The following NOTCH3 variants were observed in gnomAD, a reference collection of about 807,000 sequenced individuals.
NOTCH3 encodes neurogenic locus notch homolog protein 3.
A neutral mutation model predicts 213.3 loss-of-function variants in NOTCH3; 86 were observed. The observed-to-expected ratio is 0.40, with a 90% confidence interval of 0.34 to 0.48. The LOEUF is 0.48. Ranked by LOEUF, NOTCH3 falls within the 20% of genes least tolerant of loss-of-function variation. NOTCH3 has a pLI of 0.57. For missense variants in NOTCH3, 2,783 were observed against 3,272.6 expected, an observed-to-expected ratio of 0.85 and a Z score of 3.65; for synonymous variants, 1,354 against 1,355.9, an observed-to-expected ratio of 1.00 and a Z score of 0.03.
At position 15,180,847 on chromosome 19, in the gene NOTCH3, G is replaced by A. The variant is rs773122029; in HGVS notation, c.2995-19C>T. 1.2e-6 allele frequency: 2 copies of A among 1,612,264 alleles called. No individual in the cohort carries two copies. Among genetic ancestry groups the A allele is most frequent in the South Asian group, 1.1e-5 (1 of 90,614 alleles). ...CCAGCGTCTGGAGGGGAAGCACTCA[G>A]AGTCAGTACTGTGGGGTGGGGGGTA... is the stretch of plus-strand genomic sequence containing the variant. On this transcript the variant is annotated intron_variant, in intron 18 of 32. Coordinates refer to ENST00000263388, the MANE Select transcript of NOTCH3 (RefSeq NM_000435.3).
chr19:15,170,686 G>C lies in NOTCH3; in HGVS notation c.4876C>G (p.Leu1626Val), dbSNP rs1178494806. ...AVERLDFPYPLRDVRGEPLEP... is the reference protein window; with the variant it reads ...AVERLDFPYPVRDVRGEPLEP... ...AGGGCCGCACCCCGCACGTCCCGCA[G>C]TGGGTACGGGAAGTCCAGGCGCTCC... The change falls in exon 26 of 33, where the codon CTG becomes GTG. Residue 1626 changes from leucine (L) to valine (V), a missense_variant. Transcript: ENST00000263388. 1.3e-6 allele frequency: 2 copies of C among 1,527,898 alleles called. No individual in the cohort carries two copies. Among genetic ancestry groups the C allele is most frequent in the South Asian group, 2.3e-5 (2 of 86,108 alleles). 94.6% of individuals were successfully genotyped at this position (1,527,898 alleles called of 1,614,324 possible).
rs554059112 is a variant in NOTCH3, at chr19:15,165,382, G to T, written c.5801C>A (p.Ala1934Asp). Reference protein sequence around the residue: ...ELIASHADVNAVDELGKSALH... With the variant: ...ELIASHADVNDVDELGKSALH... The stretch of plus-strand genomic sequence containing the variant: ...TGCCAACCTACCAAGCTCATCCACA[G>T]CATTGACATCAGCATGGCTGGCGAT... The change falls in exon 31 of 33, where the codon GCT (alanine) becomes GAT (aspartate). Residue 1934 changes from alanine (A) to aspartate (D), a missense_variant. Coordinates refer to ENST00000263388, the MANE Select transcript of NOTCH3 (RefSeq NM_000435.3). This position sits in a 1 kb window ranked among gnomAD's most constrained non-coding sequence, Gnocchi z 4.7. 1 of 1,607,446 alleles carries T rather than the reference G, an allele frequency of 6.2e-7. No individual in the cohort carries two copies.
Position 15,181,553 on chromosome 19 carries a change from C to G in NOTCH3, c.2792+23G>C, listed in dbSNP as rs546897451. Reference sequence around the variant, plus strand: ...CCCATCCCAAGCCAGAGTCCCTGCTCTCCAAGCAGAGGCCCCGCCCACCTG... The same window carrying G: ...CCCATCCCAAGCCAGAGTCCCTGCTGTCCAAGCAGAGGCCCCGCCCACCTG... On this transcript the variant is annotated intron_variant, in intron 17 of 32. Transcript: ENST00000263388. The G allele has an allele frequency of 1.9e-6, 3 of 1,541,918 alleles. No homozygotes were observed. In the East Asian group the frequency reaches 7.3e-5, roughly 38 times the overall value.
chr19:15,192,009 GC>G lies in NOTCH3; in HGVS notation c.629del (p.Gly210AlafsTer26). ...TGAGGTCGCCACTCTGCCTGCAGGT[GC>G]CCCCGTTACGGCATGGTGAGGGTGC... ...PCAPSPCRNG[G>X]TCRQSGDLTY... On this transcript the variant is annotated frameshift_variant, in exon 4 of 33. Coordinates refer to ENST00000263388, the MANE Select transcript of NOTCH3 (RefSeq NM_000435.3). LOFTEE classifies it high-confidence loss of function. 6.2e-7 allele frequency: 1 copy of G among 1,613,194 alleles called. No homozygotes were observed. The highest frequency in any genetic ancestry group is 8.5e-7 in the Non-Finnish European group (1 of 1,179,958).
In NOTCH3 at chr19:15,188,946, G is replaced by A. The variant is rs374612109; in HGVS notation, c.1378+43C>T. 26 of 1,573,828 alleles carry A rather than the reference G, an allele frequency of 1.7e-5. No homozygotes were observed. The African/African-American group carries it at 1.9e-4, about 11-fold the overall frequency. On this transcript the variant is annotated intron_variant, in intron 8 of 32. Transcript: ENST00000263388. Reference sequence around the variant, plus strand: ...CCCATCCGCGGGCTTCTCTGTCCCCGCCCCCTGCCTCAGGACCCGCCCAGG... The same window carrying A: ...CCCATCCGCGGGCTTCTCTGTCCCCACCCCCTGCCTCAGGACCCGCCCAGG...
rs1391247131 is a variant in NOTCH3, at chr19:15,189,295, C to T, written c.1170G>A (p.Gln390=). Residue 390 remains glutamine, a synonymous_variant, in exon 7 of 33, where the codon CAG becomes CAA. Transcript: ENST00000263388. ...PPGFTGGACD[Q]DVDECSIGAN... ...CACCGATAGAGCACTCGTCCACATC[C>T]TGGTCACATGCCCCACCCGTGAAGC... The T allele has an allele frequency of 1.2e-6, 2 of 1,614,140 alleles. No individual in the cohort carries two copies. Among genetic ancestry groups the T allele is most frequent in the South Asian group, 1.1e-5 (1 of 91,090 alleles).
At position 15,187,325 on chromosome 19, in the gene NOTCH3, C is replaced by A. The variant is rs75617410; in HGVS notation, c.1620G>T (p.Thr540=). The change falls in exon 11 of 33, where the codon ACG becomes ACT. Residue 540 remains threonine, a synonymous_variant. Transcript: ENST00000263388. ...ECRCAEGFEG[T]LCDRNVDDCS... is the part of the protein sequence containing the mutation. ...AGTCGTCCACGTTGCGATCACACAGCGTGCCCTCAAAGCCTGTGGGGCCAA... is the reference window on the plus strand; with the variant it reads ...AGTCGTCCACGTTGCGATCACACAGAGTGCCCTCAAAGCCTGTGGGGCCAA... 1.0e-3 allele frequency: 1,625 copies of A among 1,613,490 alleles called. 27 individuals are homozygous for A. The East Asian group carries it at 0.03, about 30-fold the overall frequency.
At chr19:15,195,906 G>T (rs1411887869) in intron 2 of NOTCH3, among the ~76,000 whole-genome samples, 1 of 151,536 alleles carries the variant, frequency 6.6e-6, no homozygotes, top group Non-Finnish European at 1.5e-5. Context: ...AAGCTTTGGG[G>T]GAGACGGAGG....
chr19:15,184,574 T>C (rs2046866152), intron 15 of NOTCH3, 124 bp from the exon 16 acceptor site: 1 of 928,036 alleles, frequency 1.1e-6, no homozygotes, highest in Admixed American at 2.2e-5. Flanking sequence ...GTGCTGTCAT[T>C]CGTGTCTGGG....
In NOTCH3 at chr19:15,174,292, C is replaced by G; in HGVS notation, c.4512G>C (p.Val1504=). The G allele has an allele frequency of 6.4e-7, 1 of 1,558,386 alleles. No homozygotes were observed. The highest frequency in any genetic ancestry group is 8.7e-7 in the Non-Finnish European group (1 of 1,153,276). ...GCACGCCGCGGGCCAGCAGGGCCGGCACCTCGCTGGCACAATCCAGCCCAT... is the reference window on the plus strand; with the variant it reads ...GCACGCCGCGGGCCAGCAGGGCCGGGACCTCGCTGGCACAATCCAGCCCAT... The part of the protein sequence containing the change: ...GWDGLDCASE[V]PALLARGVLV... The change falls in exon 25 of 33, where the codon GTG becomes GTC. Residue 1504 remains valine (V), a synonymous_variant. Coordinates refer to ENST00000263388, the MANE Select transcript of NOTCH3 (RefSeq NM_000435.3).
intron 28 of NOTCH3, among the ~76,000 whole-genome samples, chr19:15,169,181 A>AGT (rs2046709065): frequency 7.5e-6 from 1 of 133,264 alleles, no homozygotes; most frequent in African/African-American, 2.9e-5. Flanking sequence ...TGGGATGTCA[A>AGT]ATCTGTCTCT....
intron 16 of NOTCH3, among the ~76,000 whole-genome samples, chr19:15,182,420 T>A (rs2046848421): frequency 6.6e-6 from 1 of 151,346 alleles, no homozygotes. Flanking sequence ...GACGGGAGGA[T>A]CACTTGAGCC....
In NOTCH3 at chr19:15,185,868, G is replaced by T. The variant is rs1452264135; in HGVS notation, c.1952-189C>A. 2.0e-5 allele frequency among the ~76,000 whole-genome samples: 3 copies of T among 152,070 alleles called. No individual in the cohort carries two copies. Among genetic ancestry groups the T allele is most frequent in the Admixed American group, 6.5e-5 (1 of 15,268 alleles). ...AGCTGACTTGCCCCAGATCATTCTG[G>T]TCCCCAAACTTCCATGAAGTCCCTT... On this transcript the variant is annotated intron_variant, in intron 12 of 32. Coordinates refer to ENST00000263388, the MANE Select transcript of NOTCH3 (RefSeq NM_000435.3). This position sits in a 1 kb window ranked among gnomAD's most constrained non-coding sequence, Gnocchi z 4.2.
chr19:15,161,520 G>T lies in NOTCH3; in HGVS notation c.6108C>A (p.Pro2036=), dbSNP rs2046643044. Residue 2036 remains proline (P), a synonymous_variant, in exon 33 of 33, where the codon CCC becomes CCA. Coordinates refer to ENST00000263388, the MANE Select transcript of NOTCH3 (RefSeq NM_000435.3). ...GACAGAGCAGAGGCCCCAGGCCGTG[G>T]GGACCGGGGGGGCTGCGGGGCCCAC... ...QPSGPRSPPG[P]HGLGPLLCPP... 2 of 1,598,026 alleles carry T rather than the reference G, an allele frequency of 1.3e-6. No individual in the cohort carries two copies. Among genetic ancestry groups the T allele is most frequent in the Non-Finnish European group, 1.7e-6 (2 of 1,172,574 alleles).
At chr19:15,194,874 T>C (rs1476960090) in intron 2 of NOTCH3, among the ~76,000 whole-genome samples, 2 of 150,226 alleles carry the variant, frequency 1.3e-5, no homozygotes, top group Non-Finnish European at 3.0e-5. Flanking sequence ...GGAAAATCGC[T>C]TGAACCCAGG....
At position 15,160,949 on chromosome 19, in the gene NOTCH3, G is replaced by A. The variant is rs779441679; in HGVS notation, c.6679C>T (p.His2227Tyr). ...HGEEYPAAGAHSSPPKARFLR... is the reference protein window; with the variant it reads ...HGEEYPAAGAYSSPPKARFLR... ...AAGCGGGCCTTTGGGGGGCTGCTGT[G>A]TGCCCCAGCCGCCGGGTACTCCTCG... Residue 2227 changes from histidine (H) to tyrosine (Y), a missense_variant, in exon 33 of 33, where the codon CAC (histidine) becomes TAC (tyrosine). Coordinates refer to ENST00000263388, the MANE Select transcript of NOTCH3 (RefSeq NM_000435.3). The A allele has an allele frequency of 3.1e-6, 5 of 1,592,636 alleles. No individual in the cohort carries two copies. The Middle Eastern group carries it at 5.0e-4, about 159-fold the overall frequency.
chr19:15,161,044 A>C lies in NOTCH3; in HGVS notation c.6584T>G (p.Leu2195Arg). ...GGAGACGGGGGTCCCTGGGTTGAGC[A>C]GCTGGGGTCCCGGCGCCAGTGGCAG... ...FLLPLAPGPQLLNPGTPVSPQ... is the reference protein window; with the variant it reads ...FLLPLAPGPQRLNPGTPVSPQ... Residue 2195 changes from leucine to arginine, a missense_variant, in exon 33 of 33, where the codon CTG becomes CGG. Physicochemically the swap from Leu to Arg is moderately radical, Grantham distance 102. Coordinates refer to ENST00000263388, the MANE Select transcript of NOTCH3 (RefSeq NM_000435.3). The C allele has an allele frequency of 6.5e-7, 1 of 1,539,308 alleles. No individual in the cohort carries two copies. The highest frequency in any genetic ancestry group is 8.7e-7 in the Non-Finnish European group (1 of 1,145,108).
In NOTCH3 at chr19:15,169,978, G is replaced by T; in HGVS notation, c.5199+108C>A. 3 of 682,650 alleles carry T rather than the reference G, an allele frequency of 4.4e-6. No individual in the cohort carries two copies. In the South Asian group the frequency reaches 4.9e-5, roughly 11 times the overall value. 42.3% of individuals were successfully genotyped at this position (682,650 alleles called of 1,614,324 possible). ...TATTCTCTGGAGCTAGGGAGGTGGG[G>T]ACAGCGGTGCCATCCCCTGATCACG... is the stretch of plus-strand genomic sequence containing the variant. On this transcript the variant is annotated intron_variant, in intron 28 of 32. Transcript: ENST00000263388.
Position 15,160,428 on chromosome 19 carries a change from A to T in NOTCH3, c.*234T>A, listed in dbSNP as rs922993324. On this transcript the variant is annotated 3_prime_UTR_variant, in exon 33 of 33. Transcript: ENST00000263388. ...GAGAAGTGGGGAAGAAGGAGGTCCC[A>T]GACTCTTCACAAGACTGAGAGGGTG... The T allele has an allele frequency of 4.1e-5, 24 of 578,332 alleles. No homozygotes were observed. Among genetic ancestry groups the T allele is most frequent in the African/African-American group, 3.5e-4 (19 of 53,540 alleles). The allele number at this position is 578,332 out of a possible 1,614,324, so 35.8% of individuals were successfully genotyped here. A position where few individuals can be genotyped will look rare whatever the true frequency, so the allele number is the denominator to read the frequency against.
Sources: allele counts gnomAD v4.1 joint callset (sites outside exome capture counted in the v4.1 genomes callset), GRCh38; gene constraint gnomAD v4.1.1; non-coding constraint Gnocchi (gnomAD v3.1); transcripts MANE v1.5; gene names NCBI Gene and HGNC (gene_info 2026-07-23, HGNC 2026-07-21).